CSMD2: variants seen among roughly 807,000 people sequenced by gnomAD.
The protein encoded by CSMD2 is CUB and sushi domain-containing protein 2.
Under a neutral mutation model 398.5 loss-of-function variants are expected in CSMD2, and 130 were observed. That is an observed-to-expected ratio of 0.33 (90% CI 0.28 to 0.38). CSMD2 has a LOEUF of 0.38. Among genes scored for constraint, CSMD2 ranks in the 10% least tolerant of loss-of-function variants. CSMD2 has a pLI of 1.00. For missense variants in CSMD2, 3,829 were observed against 4,764.9 expected (o/e 0.80, Z 5.78); for synonymous variants, 1,828 against 1,908.5 (o/e 0.96, Z 1.10).
intron 5 of CSMD2, chr1:33,864,178 G>A (rs1410522327): frequency 6.3e-7 from 1 of 1,580,330 alleles, no homozygotes. Flanking sequence ...CAGAAAAAAG[G>A]TGAACTTACG....
At chr1:33,734,344 A>G (rs1334367707) in intron 15 of CSMD2, among the ~76,000 whole-genome samples, 1 of 152,156 alleles carries the variant, frequency 6.6e-6, no homozygotes, top group Admixed American at 6.5e-5. Flanking sequence ...TGAAATTTTT[A>G]CAACCACCAA....
rs140944427 is a variant in CSMD2, at chr1:33,773,528, C to T, written c.1664-777G>A. On this transcript the variant is annotated intron_variant, in intron 12 of 70. Coordinates refer to ENST00000373381, the MANE Select transcript of CSMD2 (RefSeq NM_001281956.2). ...TGGGCTGGCTACCTCACCGGAGAGG[C>T]AGTCAGGATCCAGATGCTTCTGGAA... Among the ~76,000 whole-genome samples, 543 of 152,238 alleles carry T rather than the reference C, an allele frequency of 3.6e-3. 6 individuals carry two copies. Among genetic ancestry groups the T allele is most frequent in the African/African-American group, 0.012 (519 of 41,544 alleles).
intron 5 of CSMD2, chr1:33,864,209 G>A (rs935750680): frequency 6.2e-7 from 1 of 1,603,644 alleles, no homozygotes; most frequent in Non-Finnish European, 8.5e-7. Context: ...AAGAAATCCA[G>A]CTAAAGCCTA....
At chr1:34,111,982 TTCTCTCTCTCTCTCTCTCTC>T (rs6143186) in intron 1 of CSMD2, among the ~76,000 whole-genome samples, 8 of 149,688 alleles carry the variant, frequency 5.3e-5, no homozygotes, top group African/African-American at 1.2e-4. Flanking sequence ...TTCTTTCAAA[TTCTCTCTCTCTCTCTCTCTC>T]TCTCTCTCTC....
chr1:34,148,850 G>C (rs1457474715), intron 1 of CSMD2, among the ~76,000 whole-genome samples: 1 of 152,184 alleles, frequency 6.6e-6, no homozygotes, highest in African/African-American at 2.4e-5. Flanking sequence ...CACAGGAATT[G>C]ACCTGGGGAT....
intron 2 of CSMD2, among the ~76,000 whole-genome samples, chr1:34,056,005 G>A (rs1361363731): frequency 2.0e-5 from 3 of 152,158 alleles, no homozygotes; most frequent in African/African-American, 2.4e-5. Context: ...TTCAGCAGCC[G>A]TATGTCAGGA....
chr1:33,917,204 T>C lies in CSMD2; in HGVS notation c.920+890A>G, dbSNP rs550031699. 8.5e-5 allele frequency among the ~76,000 whole-genome samples: 13 copies of C among 152,280 alleles called. No individual in the cohort carries two copies. In the East Asian group the frequency reaches 2.5e-3, roughly 29 times the overall value. Reference sequence around the variant, plus strand: ...CCAACGCCGTGACTCCTGCCTGACATCAGGAAGTGGAATCCCCACCTTCAC... The same window carrying C: ...CCAACGCCGTGACTCCTGCCTGACACCAGGAAGTGGAATCCCCACCTTCAC... On this transcript the variant is annotated intron_variant, in intron 5 of 70. Transcript: ENST00000373381.
At chr1:33,948,760 T>G (rs1644915518) in intron 3 of CSMD2, among the ~76,000 whole-genome samples, 1 of 152,182 alleles carries the variant, frequency 6.6e-6, no homozygotes, top group African/African-American at 2.4e-5. Flanking sequence ...CTGACACTTG[T>G]GTTTAAGCTC....
At chr1:33,788,306 G>C (rs563276034) in intron 12 of CSMD2, among the ~76,000 whole-genome samples, 11 of 151,966 alleles carry the variant, frequency 7.2e-5, no homozygotes, top group African/African-American at 2.4e-4. Flanking sequence ...TCAGGAGTTC[G>C]AGATCAGCTT....
intron 3 of CSMD2, among the ~76,000 whole-genome samples, chr1:34,014,833 A>G (rs1398326480): frequency 6.6e-6 from 1 of 152,228 alleles, no homozygotes; most frequent in Non-Finnish European, 1.5e-5. Context: ...GTTTGAGGAC[A>G]TTTCCTCCTG....
chr1:33,718,758 A>G (rs1183595480), intron 19 of CSMD2, among the ~76,000 whole-genome samples: 1 of 152,186 alleles, frequency 6.6e-6, no homozygotes, highest in Admixed American at 6.5e-5. Flanking sequence ...TACATTTTTT[A>G]TAAATGATGG....
intron 64 of CSMD2, among the ~76,000 whole-genome samples, chr1:33,532,309 A>C (rs1655315399): frequency 6.6e-6 from 1 of 152,236 alleles, no homozygotes; most frequent in South Asian, 2.1e-4. Context: ...GTTGAAACAT[A>C]CAAAGCATTT....
chr1:33,654,412 T>C (rs569497374), intron 27 of CSMD2, among the ~76,000 whole-genome samples: 1 of 152,258 alleles, frequency 6.6e-6, no homozygotes, highest in East Asian at 1.9e-4. Context: ...TCTACTTCCA[T>C]ACAGTCGGTA....
intron 12 of CSMD2, among the ~76,000 whole-genome samples, chr1:33,787,284 C>G (rs532316781): frequency 2.3e-4 from 35 of 152,320 alleles, no homozygotes; most frequent in African/African-American, 8.2e-4. Context: ...CCAGCCAGCC[C>G]AAGAACACGA....
chr1:34,023,085 C>T (rs1367764919), intron 3 of CSMD2, among the ~76,000 whole-genome samples: 4 of 152,160 alleles, frequency 2.6e-5, no homozygotes, highest in Non-Finnish European at 4.4e-5. Flanking sequence ...ATCCTCTGGC[C>T]TTGGCCTCCC....
At chr1:33,795,137 G>A (rs1382585069) in intron 10 of CSMD2, among the ~76,000 whole-genome samples, 29 of 152,080 alleles carry the variant, frequency 1.9e-4, no homozygotes. Context: ...GGTGAGGTGG[G>A]ATGTGGACCT....
intron 3 of CSMD2, among the ~76,000 whole-genome samples, chr1:34,002,716 T>A (rs553167617): frequency 6.6e-6 from 1 of 152,270 alleles, no homozygotes; most frequent in South Asian, 2.1e-4. Context: ...AGAGTTGTTG[T>A]GAAACAAATA....
rs1657762626 is a variant in CSMD2, at chr1:33,554,365, T to C, written c.8743+3369A>G. On this transcript the variant is annotated intron_variant, in intron 55 of 70. Coordinates refer to ENST00000373381, the MANE Select transcript of CSMD2 (RefSeq NM_001281956.2). ...CACACCACCACGCCTGGCTAATTTT[T>C]TTGTATTTTAGTAGAGATGGGGTTT... 5.9e-5 allele frequency among the ~76,000 whole-genome samples: 9 copies of C among 152,022 alleles called. No individual in the cohort carries two copies. In the South Asian group the frequency reaches 1.9e-3, roughly 32 times the overall value.
At chr1:33,698,643 T>A in intron 24 of CSMD2, 110 bp downstream of exon 24, 1 of 995,782 alleles carries the variant, frequency 1.0e-6, no homozygotes, top group South Asian at 1.8e-5. Context: ...TCAGTCCAAG[T>A]TGATGGCCCC....
Sources: allele counts gnomAD v4.1 joint callset (sites outside exome capture counted in the v4.1 genomes callset), GRCh38; gene constraint gnomAD v4.1.1; transcripts MANE v1.5; gene names NCBI Gene and HGNC (gene_info 2026-07-23, HGNC 2026-07-21).